Variants in PLXNA4 observed in about 807,000 individuals in gnomAD.
PLXNA4 encodes plexin-A4.
A neutral mutation model predicts 191.8 loss-of-function variants in PLXNA4; 44 were observed. That is an observed-to-expected ratio of 0.23 (90% CI 0.18 to 0.29). PLXNA4 has a LOEUF of 0.29. Ranked by LOEUF, PLXNA4 falls within the 10% of genes least tolerant of loss-of-function variation. PLXNA4 has a pLI of 1.00. For missense variants in PLXNA4, 1,800 were observed against 2,488.8 expected (o/e 0.72, Z 5.89); for synonymous variants, 1,082 against 1,009.5 (o/e 1.07, Z -1.36).
At chr7:132,428,563 G>C (rs1448433403) in intron 3 of PLXNA4, among the ~76,000 whole-genome samples, 5 of 152,086 alleles carry the variant, frequency 3.3e-5, no homozygotes, top group African/African-American at 1.2e-4. Flanking sequence ...TGATTAAACC[G>C]AAGCTTCCAA....
intron 2 of PLXNA4, among the ~76,000 whole-genome samples, chr7:132,497,234 G>T (rs980932173): frequency 1.3e-5 from 2 of 151,978 alleles, no homozygotes; most frequent in African/African-American, 2.4e-5. Flanking sequence ...TTTAAAGGGA[G>T]ATATTGATCA....
intron 3 of PLXNA4, among the ~76,000 whole-genome samples, chr7:132,353,015 TC>T (rs1424010787): frequency 2.0e-5 from 3 of 152,226 alleles, no homozygotes; most frequent in African/African-American, 7.2e-5. Flanking sequence ...CTTAACATTT[TC>T]CACTAATATA....
At chr7:132,598,672 T>TC (rs1563190818) in intron 2 of PLXNA4, among the ~76,000 whole-genome samples, 6 of 152,158 alleles carry the variant, frequency 3.9e-5, no homozygotes, top group African/African-American at 1.4e-4. Context: ...CTGTGAATTC[T>TC]AAATAACAGT....
chr7:132,166,431 T>A lies in PLXNA4; in HGVS notation c.4287-1231A>T, dbSNP rs184531767. On this transcript the variant is annotated intron_variant, in intron 22 of 31. Coordinates refer to ENST00000321063, the MANE Select transcript of PLXNA4 (RefSeq NM_020911.2). Reference sequence around the variant, plus strand: ...CAAGGACATTTTCAGTTGCATCCATTTAGAGAAAACAAATTACGTTCAAAC... The same window carrying A: ...CAAGGACATTTTCAGTTGCATCCATATAGAGAAAACAAATTACGTTCAAAC... 1.5e-4 allele frequency among the ~76,000 whole-genome samples: 22 copies of A among 150,516 alleles called. No individual in the cohort carries two copies. In the East Asian group the frequency reaches 4.0e-3, roughly 27 times the overall value.
intron 4 of PLXNA4, among the ~76,000 whole-genome samples, chr7:132,251,312 G>C (rs540695668): frequency 1.3e-5 from 2 of 152,262 alleles, no homozygotes; most frequent in East Asian, 3.9e-4. Flanking sequence ...CACAGACAAA[G>C]ACTATGGCCC....
chr7:132,478,808 G>A (rs1797225778), intron 3 of PLXNA4, among the ~76,000 whole-genome samples: 1 of 152,030 alleles, frequency 6.6e-6, no homozygotes, highest in Non-Finnish European at 1.5e-5. Context: ...CAATACCTGG[G>A]AACACTCAGA....
chr7:132,526,078 T>C (rs1177310935), intron 1 of PLXNA4, among the ~76,000 whole-genome samples: 1 of 152,186 alleles, frequency 6.6e-6, no homozygotes, highest in African/African-American at 2.4e-5. Flanking sequence ...TGAGTCTTTA[T>C]AAAAACCCTG....
intron 4 of PLXNA4, among the ~76,000 whole-genome samples, chr7:132,292,866 A>T (rs2116471285): frequency 6.6e-6 from 1 of 152,322 alleles, no homozygotes; most frequent in Non-Finnish European, 1.5e-5. Context: ...GGCCTCTCTG[A>T]GGACACGATA....
At position 132,147,949 on chromosome 7, in the gene PLXNA4, A is replaced by G; in HGVS notation, c.4815T>C (p.Tyr1605=). 6.2e-7 allele frequency: 1 copy of G among 1,614,136 alleles called. No individual in the cohort carries two copies. The part of the protein sequence containing the change: ...VALVSKQVTA[Y]NAVNNSTVSR... Reference sequence around the variant, plus strand: ...AGACGGTGGAGTTGTTCACTGCGTTATAGGCTGTCACCTGCTTGGACACTA... The same window carrying G: ...AGACGGTGGAGTTGTTCACTGCGTTGTAGGCTGTCACCTGCTTGGACACTA... Residue 1605 remains tyrosine, a synonymous_variant, in exon 27 of 32, where the codon TAT becomes TAC. Transcript: ENST00000321063.
intron 2 of PLXNA4, 71 bp from the exon 3 acceptor site, chr7:132,489,545 AC>A: frequency 2.3e-6 from 3 of 1,289,394 alleles, no homozygotes; most frequent in Non-Finnish European, 3.2e-6. Context: ...AAGTCAGGAA[AC>A]TATGGAGGTA....
intron 4 of PLXNA4, among the ~76,000 whole-genome samples, chr7:132,284,090 C>G (rs2116416338): frequency 6.6e-6 from 1 of 152,298 alleles, no homozygotes; most frequent in East Asian, 1.9e-4. Context: ...GGAGGATCAT[C>G]TGAGCTTAGG....
At chr7:132,220,200 A>G (rs1798098394) in intron 9 of PLXNA4, among the ~76,000 whole-genome samples, 1 of 152,242 alleles carries the variant, frequency 6.6e-6, no homozygotes, top group African/African-American at 2.4e-5. Flanking sequence ...CACTGACCCC[A>G]AATGGCTGGA....
At chr7:132,377,705 C>T (rs1804717374) in intron 3 of PLXNA4, among the ~76,000 whole-genome samples, 1 of 152,172 alleles carries the variant, frequency 6.6e-6, no homozygotes, top group Non-Finnish European at 1.5e-5. Context: ...AGCACCAACT[C>T]AGTAGATAGG....
At chr7:132,428,188 A>G (rs1242463162) in intron 3 of PLXNA4, among the ~76,000 whole-genome samples, 1 of 152,090 alleles carries the variant, frequency 6.6e-6, no homozygotes, top group Non-Finnish European at 1.5e-5. Flanking sequence ...AATTCCTAAT[A>G]GCGGGGACGT....
intron 3 of PLXNA4, among the ~76,000 whole-genome samples, chr7:132,471,579 C>T (rs1320542241): frequency 2.6e-5 from 4 of 152,170 alleles, no homozygotes; most frequent in Admixed American, 2.0e-4. Flanking sequence ...AGGACAGCAG[C>T]AGCAGCCTGT....
chr7:132,379,019 T>A (rs1342169694), intron 3 of PLXNA4, among the ~76,000 whole-genome samples: 1 of 152,008 alleles, frequency 6.6e-6, no homozygotes, highest in Admixed American at 6.6e-5. Flanking sequence ...CCCAGCTAAT[T>A]TTTATATTTT....
chr7:132,291,432 A>G (rs1360526802), intron 4 of PLXNA4, among the ~76,000 whole-genome samples: 2 of 152,146 alleles, frequency 1.3e-5, no homozygotes, highest in Non-Finnish European at 2.9e-5. Flanking sequence ...CTCTGCCCAG[A>G]ATGTAAGGCC....
intron 28 of PLXNA4, 88 bp downstream of exon 28, chr7:132,146,422 G>A (rs577268368): frequency 4.4e-6 from 7 of 1,608,740 alleles, no homozygotes; most frequent in Non-Finnish European, 6.0e-6. Flanking sequence ...TGAATGCTGG[G>A]TACTGGCTAC....
At chr7:132,616,884 T>C (rs1803166701) in intron 2 of PLXNA4, among the ~76,000 whole-genome samples, 1 of 152,154 alleles carries the variant, frequency 6.6e-6, no homozygotes, top group African/African-American at 2.4e-5. Flanking sequence ...AGAAGGACCC[T>C]ACTCTCCAAC....
Sources: gnomAD v4.1 joint callset for allele counts (sites outside exome capture counted in the v4.1 genomes callset) on GRCh38, gnomAD v4.1.1 for gene constraint, MANE v1.5 for transcripts, NCBI Gene and HGNC (gene_info 2026-07-23, HGNC 2026-07-21) for gene names.